Variants in CCN1 observed in about 807,000 individuals in gnomAD.
CCN1 encodes the protein CCN family member 1.
Under a neutral mutation model 38.1 loss-of-function variants are expected in CCN1, and 12 were observed. The observed-to-expected ratio is 0.31, with a 90% CI of 0.20 to 0.51. The LOEUF (loss-of-function observed/expected upper bound fraction) is 0.51. Ranked by LOEUF, CCN1 falls within the 20% of genes least tolerant of loss-of-function variation. CCN1 has a pLI of 0.97. For synonymous variants in CCN1, 202 were observed against 196.1 expected (o/e 1.03, Z -0.25); for missense variants, 466 against 490.9 (o/e 0.95, Z 0.48).
At position 85,581,047 on chromosome 1, in the gene CCN1, G is replaced by A. The variant is rs1294878397; in HGVS notation, c.63G>A (p.Leu21=). 3 of 1,609,662 alleles carry A rather than the reference G, an allele frequency of 1.9e-6. No homozygotes were observed. Residue 21 remains leucine, a splice_region_variant and synonymous_variant, in exon 1 of 5, where the codon CTG becomes CTA. Transcript: ENST00000451137. ...LVVTLLHLTR[L]ALSTCPAACH... The stretch of plus-strand genomic sequence containing the variant: ...TCACCCTTCTCCACTTGACCAGGCT[G>A]GTGAGTTGGACTCTCCTTTTGCCAC...
At position 85,582,880 on chromosome 1, in the gene CCN1, C is replaced by G; in HGVS notation, c.984C>G (p.Thr328=). ...GCCGATGCTGCACGCCCCAGCTGAC[C>G]AGGACTGTGAAGATGCGGTTCCGCT... ...VDGRCCTPQL[T]RTVKMRFRCE... The change falls in exon 5 of 5, where the codon ACC becomes ACG. Residue 328 remains threonine (T), a synonymous_variant. Transcript: ENST00000451137. 1 of 1,614,170 alleles carries G rather than the reference C, an allele frequency of 6.2e-7. No individual in the cohort carries two copies. The highest frequency in any genetic ancestry group is 1.6e-4 in the Middle Eastern group (1 of 6,062).
Position 85,581,423 on chromosome 1 carries a change from C to A in CCN1, c.122C>A (p.Pro41Gln). The A allele has an allele frequency of 6.2e-7, 1 of 1,608,012 alleles. No individual in the cohort carries two copies. The highest frequency in any genetic ancestry group is 8.5e-7 in the Non-Finnish European group (1 of 1,177,962). ...HCPLEAPKCA[P>Q]GVGLVRDGCG... ...CCCCTGGAGGCGCCCAAGTGCGCGCCGGGAGTCGGGCTGGTCCGGGACGGC... is the reference window on the plus strand; with the variant it reads ...CCCCTGGAGGCGCCCAAGTGCGCGCAGGGAGTCGGGCTGGTCCGGGACGGC... Residue 41 changes from proline (P) to glutamine (Q), a missense_variant, in exon 2 of 5, where the codon CCG becomes CAG. Pro to Gln is a moderately conservative substitution (Grantham distance 76). Around this residue, in one of 3 missense-constraint regions of CCN1, gnomAD observed 146 missense variants for 141.1 expected, o/e 1.03. Transcript: ENST00000451137.
chr1:85,581,238 G>A, intron 1 of CCN1, 127 bp from the exon 2 acceptor site: 1 of 1,219,196 alleles, frequency 8.2e-7, no homozygotes, highest in Non-Finnish European at 1.1e-6. Context: ...TTCCGAGGTG[G>A]CCGGGCTGGA....
chr1:85,581,815 G>A (rs1659796806), intron 2 of CCN1, 113 bp from the exon 3 acceptor site: 2 of 1,249,214 alleles, frequency 1.6e-6, no homozygotes, highest in African/African-American at 1.5e-5. Flanking sequence ...GGAATTGTAG[G>A]GAACTTTACC....
intron 1 of CCN1, 72 bp from the exon 2 acceptor site, chr1:85,581,293 C>G (rs1206432520): frequency 1.4e-6 from 2 of 1,445,276 alleles, no homozygotes; most frequent in Middle Eastern, 2.3e-4. Flanking sequence ...ACCCCCGTCC[C>G]TCACTGCGGC....
Position 85,581,598 on chromosome 1 carries a change from GC to G in CCN1, c.277+24del, listed in dbSNP as rs754081825. The G allele has an allele frequency of 6.2e-7, 1 of 1,606,270 alleles. No homozygotes were observed. Among genetic ancestry groups the G allele is most frequent in the Admixed American group, 1.7e-5 (1 of 59,240 alleles). On this transcript the variant is annotated intron_variant, in intron 2 of 4. Coordinates refer to ENST00000451137, the MANE Select transcript of CCN1 (RefSeq NM_001554.5). ...GCAGAGGTAAGATGCTTGTGGTTTG[GC>G]CCCTTTAAAAAAAATACTAGTCCCC...
intron 1 of CCN1, 52 bp from the exon 2 acceptor site, chr1:85,581,313 G>A: frequency 6.7e-7 from 1 of 1,496,048 alleles, no homozygotes; most frequent in Non-Finnish European, 8.9e-7. Flanking sequence ...CAGCCGCGGC[G>A]CCCCTCCTGC....
chr1:85,582,401 CT>C lies in CCN1; in HGVS notation c.635-13del, dbSNP rs780418624. 1 of 1,614,044 alleles carries C rather than the reference CT, an allele frequency of 6.2e-7. No individual in the cohort carries two copies. The highest frequency in any genetic ancestry group is 8.5e-7 in the Non-Finnish European group (1 of 1,179,986). ...GGTATGCCTCTGAGAAGTCTTCCCT[CT>C]TATATGTCTCTAGTTTTTGGAATGG... On this transcript the variant is annotated splice_polypyrimidine_tract_variant and intron_variant, in intron 3 of 4. Coordinates refer to ENST00000451137, the MANE Select transcript of CCN1 (RefSeq NM_001554.5).
rs9658587 is a variant in CCN1 at position 85,582,896 on chromosome 1, C to A, written c.1000C>A (p.Arg334=). ...TPQLTRTVKM[R]FRCEDGETFS... is the part of the protein sequence containing the mutation. ...CCAGCTGACCAGGACTGTGAAGATG[C>A]GGTTCCGCTGCGAAGATGGGGAGAC... is the stretch of plus-strand genomic sequence containing the variant. The change falls in exon 5 of 5, where the codon CGG becomes AGG. Residue 334 remains arginine (R), a synonymous_variant. Transcript: ENST00000451137. The A allele has an allele frequency of 1.5e-5, 25 of 1,614,166 alleles. No individual in the cohort carries two copies. Among genetic ancestry groups the A allele is most frequent in the Middle Eastern group, 1.6e-4 (1 of 6,062 alleles).
At position 85,583,841 on chromosome 1, in the gene CCN1, A is replaced by G. The variant is rs1018499585; in HGVS notation, c.*799A>G. On this transcript the variant is annotated 3_prime_UTR_variant, in exon 5 of 5. Transcript: ENST00000451137. ...ATTAAGCTATTAAAATAAGATAATG[A>G]TTGCTTTTATACCTTCAGTAGAGAA... 4 of 152,250 alleles carry G rather than the reference A, an allele frequency of 2.6e-5. No homozygotes were observed. Among genetic ancestry groups the G allele is most frequent in the Non-Finnish European group, 5.9e-5 (4 of 68,032 alleles). The allele number at this position is 152,250 out of a possible 1,614,324, so 9.4% of individuals were successfully genotyped here. A position where few individuals can be genotyped will look rare whatever the true frequency, so the allele number is the denominator to read the frequency against.
chr1:85,582,167 G>C lies in CCN1; in HGVS notation c.517G>C (p.Glu173Gln), dbSNP rs771972798. The change falls in exon 3 of 5, where the codon GAG (glutamate) becomes CAG (glutamine). Residue 173 changes from glutamate to glutamine, a missense_variant. Transcript: ENST00000451137. ...CDEDSIKDPM[E>Q]DQDGLLGKEL... ...CGAGGATAGTATCAAGGACCCCATG[G>C]AGGACCAGGACGGCCTCCTTGGCAA... The C allele has an allele frequency of 1.9e-6, 3 of 1,614,190 alleles. No homozygotes were observed. The highest frequency in any genetic ancestry group is 4.5e-5 in the East Asian group (2 of 44,878).
rs747654249 is a variant in CCN1 at position 85,582,439 on chromosome 1, C to T, written c.658C>T (p.Leu220=). 3 of 1,614,030 alleles carry T rather than the reference C, an allele frequency of 1.9e-6. No homozygotes were observed. Among genetic ancestry groups the T allele is most frequent in the Non-Finnish European group, 2.5e-6 (3 of 1,180,036 alleles). The part of the protein sequence containing the change: ...LPVFGMEPRI[L]YNPLQGQKCI... The stretch of plus-strand genomic sequence containing the variant: ...AGTTTTTGGAATGGAGCCTCGCATC[C>T]TATACAACCCTTTACAAGGCCAGAA... The change falls in exon 4 of 5, where the codon CTA becomes TTA. Residue 220 remains leucine (L), a synonymous_variant. Transcript: ENST00000451137.
At position 85,581,020 on chromosome 1, in the gene CCN1, C is replaced by T. The variant is rs1570694229; in HGVS notation, c.36C>T (p.Val12=). Residue 12 remains valine (V), a synonymous_variant, in exon 1 of 5, where the codon GTC becomes GTT. Coordinates refer to ENST00000451137, the MANE Select transcript of CCN1 (RefSeq NM_001554.5). The stretch of plus-strand genomic sequence containing the variant: ...GCATCGCCAGGGCGCTCGCCTTAGT[C>T]GTCACCCTTCTCCACTTGACCAGGC... ...SSRIARALAL[V]VTLLHLTRLA... 2 of 1,610,738 alleles carry T rather than the reference C, an allele frequency of 1.2e-6. No individual in the cohort carries two copies. The highest frequency in any genetic ancestry group is 1.7e-6 in the Non-Finnish European group (2 of 1,178,842).
rs1570695700 is a variant in CCN1 at position 85,582,922 on chromosome 1, A to G, written c.1026A>G (p.Thr342=). 1 of 1,614,058 alleles carries G rather than the reference A, an allele frequency of 6.2e-7. No individual in the cohort carries two copies. The highest frequency in any genetic ancestry group is 1.3e-5 in the African/African-American group (1 of 74,920). ...GGTTCCGCTGCGAAGATGGGGAGAC[A>G]TTTTCCAAGAACGTCATGATGATCC... ...KMRFRCEDGE[T]FSKNVMMIQS... Residue 342 remains threonine (T), a synonymous_variant, in exon 5 of 5, where the codon ACA becomes ACG. Transcript: ENST00000451137.
chr1:85,581,507 C>A lies in CCN1; in HGVS notation c.206C>A (p.Pro69His), dbSNP rs760669726. 1 of 1,613,758 alleles carries A rather than the reference C, an allele frequency of 6.2e-7. No individual in the cohort carries two copies. Among genetic ancestry groups the A allele is most frequent in the African/African-American group, 1.3e-5 (1 of 74,946 alleles). The change falls in exon 2 of 5, where the codon CCC becomes CAC. Residue 69 changes from proline (P) to histidine (H), a missense_variant. By Grantham distance (77) the Pro-to-His change is moderately conservative. Coordinates refer to ENST00000451137, the MANE Select transcript of CCN1 (RefSeq NM_001554.5). Reference protein sequence around the residue: ...QLNEDCSKTQPCDHTKGLECN... With the variant: ...QLNEDCSKTQHCDHTKGLECN... ...AACGAGGACTGCAGCAAAACGCAGC[C>A]CTGCGACCACACCAAGGGGCTGGAA...
chr1:85,581,178 C>A, intron 1 of CCN1, 131 bp downstream of exon 1: 1 of 1,231,500 alleles, frequency 8.1e-7, no homozygotes, highest in Non-Finnish European at 1.1e-6. Context: ...TCTTTAAGCA[C>A]TCTCCCCCTC....
In CCN1 at chr1:85,580,859, G is replaced by A; in HGVS notation, c.-126G>A. 16 of 854,386 alleles carry A rather than the reference G, an allele frequency of 1.9e-5. No individual in the cohort carries two copies. The highest frequency in any genetic ancestry group is 2.5e-5 in the Non-Finnish European group (16 of 628,776). 52.9% of individuals were successfully genotyped at this position (854,386 alleles called of 1,614,324 possible). A position where few individuals can be genotyped will look rare whatever the true frequency, so the allele number is the denominator to read the frequency against. The stretch of plus-strand genomic sequence containing the variant: ...GACGCCCGCCCGCCGCCCAGCCCTC[G>A]CCTCCCTGCCCACCGGGCCCACCGC... On this transcript the variant is annotated 5_prime_UTR_variant, in exon 1 of 5. Coordinates refer to ENST00000451137, the MANE Select transcript of CCN1 (RefSeq NM_001554.5).
rs141913518 is a variant in CCN1 at position 85,583,009 on chromosome 1, G to T, written c.1113G>T (p.Arg371Ser). ...HANEAAFPFY[R>S]LFNDIHKFRD ...ATGAAGCAGCGTTTCCCTTCTACAG[G>T]CTGTTCAATGACATTCACAAATTTA... Residue 371 changes from arginine (R) to serine (S), a missense_variant, in exon 5 of 5, where the codon AGG (arginine) becomes AGT (serine). This residue lies in a region of CCN1 where 309 missense variants were observed against 319.9 expected (regional missense o/e 0.97). Transcript: ENST00000451137. 3.3e-5 allele frequency: 53 copies of T among 1,613,134 alleles called. No homozygotes were observed. The African/African-American group carries it at 6.3e-4, about 19-fold the overall frequency.
chr1:85,582,215 G>A lies in CCN1; in HGVS notation c.565G>A (p.Glu189Lys), dbSNP rs776370559. Residue 189 changes from glutamate (E) to lysine (K), a missense_variant, in exon 3 of 5, where the codon GAG becomes AAG. Coordinates refer to ENST00000451137, the MANE Select transcript of CCN1 (RefSeq NM_001554.5). ...LGKELGFDAS[E>K]VELTRNNELI... ...CAAGGAGCTGGGATTCGATGCCTCC[G>A]AGGTGGAGTTGACGAGAAACAATGA... is the stretch of plus-strand genomic sequence containing the variant. The A allele has an allele frequency of 2.5e-6, 4 of 1,614,168 alleles. No homozygotes were observed. Among genetic ancestry groups the A allele is most frequent in the East Asian group, 2.2e-5 (1 of 44,886 alleles).
Sources: gnomAD v4.1 joint callset for allele counts on GRCh38, gnomAD v4.1.1 for gene constraint, gnomAD v4.1.1 regional missense constraint, MANE v1.5 for transcripts, NCBI Gene and HGNC (gene_info 2026-07-23, HGNC 2026-07-21) for gene names.